Variants in HMCN1 observed in about 807,000 individuals in gnomAD.
HMCN1 encodes the protein hemicentin 1, also known as hemicentin-1.
HMCN1 carries 321 observed loss-of-function variants against 625.9 expected under a neutral mutation model. The observed-to-expected ratio is 0.51, with a 90% CI of 0.47 to 0.56. The LOEUF (loss-of-function observed/expected upper bound fraction) is 0.56, where lower values mean the gene tolerates loss of function less well. Among genes scored for constraint, HMCN1 ranks in the 20% least tolerant of loss-of-function variants. The pLI, the probability that HMCN1 is intolerant of heterozygous loss-of-function variation, is 0.00. For synonymous variants in HMCN1, 2,425 were observed against 2,417.6 expected (o/e 1.00, Z -0.09); for missense variants, 6,588 against 6,887.3 (o/e 0.96, Z 1.54).
At chr1:186,146,920 C>T (rs534383076) in intron 93 of HMCN1, among the ~76,000 whole-genome samples, 1 of 152,332 alleles carries the variant, frequency 6.6e-6, no homozygotes, top group African/African-American at 2.4e-5. Context: ...CTTTTGAGCA[C>T]TGGGACTCAA....
intron 1 of HMCN1, among the ~76,000 whole-genome samples, chr1:185,797,898 G>A (rs1288900552): frequency 8.2e-6 from 1 of 122,532 alleles, no homozygotes; most frequent in Admixed American, 7.6e-5. Flanking sequence ...CCCGGGAGGC[G>A]GAGCTTGCAG....
intron 65 of HMCN1, 102 bp from the exon 66 acceptor site, chr1:186,093,383 TG>T: frequency 6.3e-7 from 1 of 1,581,624 alleles, no homozygotes; most frequent in Non-Finnish European, 8.7e-7. Context: ...TATTTCCTTT[TG>T]GGCTACAATT....
chr1:185,797,738 G>A (rs930527134), intron 1 of HMCN1, among the ~76,000 whole-genome samples: 1 of 128,278 alleles, frequency 7.8e-6, no homozygotes, highest in Non-Finnish European at 1.5e-5. Context: ...AGGCCGAGGC[G>A]GGCGGATCAC....
chr1:186,186,100 T>G (rs901031272), intron 105 of HMCN1, among the ~76,000 whole-genome samples: 2 of 152,198 alleles, frequency 1.3e-5, no homozygotes, highest in East Asian at 3.8e-4. Flanking sequence ...AGCTTCAGAT[T>G]TAACTCTCTC....
At chr1:186,104,716 C>T (rs184504142) in intron 69 of HMCN1, among the ~76,000 whole-genome samples, 3 of 152,170 alleles carry the variant, frequency 2.0e-5, no homozygotes, top group African/African-American at 7.2e-5. Flanking sequence ...AATCCTTAGT[C>T]TGATTCAGAA....
At position 186,127,316 on chromosome 1, in the gene HMCN1, C is replaced by CTGA. The variant is rs201991843; in HGVS notation, c.12691-760_12691-758dup. 9.2e-3 allele frequency among the ~76,000 whole-genome samples: 1,403 copies of CTGA among 152,160 alleles called. 13 individuals carry two copies. The highest frequency in any genetic ancestry group is 0.028 in the South Asian group (135 of 4,802). ...AGTATCAGTATTTGGGTTGGAGATA[C>CTGA]TGATAGGCATCAGCATATAGTTGAT... On this transcript the variant is annotated intron_variant, in intron 82 of 106. Coordinates refer to ENST00000271588, the MANE Select transcript of HMCN1 (RefSeq NM_031935.3).
chr1:186,166,171 T>A lies in HMCN1; in HGVS notation c.15320-13T>A. ...TTACATACTGATTTGGGCCTTTTTG[T>A]TTCTTCTTTAAGATGAGGATGAATG... is the stretch of plus-strand genomic sequence containing the variant. On this transcript the variant is annotated splice_polypyrimidine_tract_variant and intron_variant, in intron 98 of 106. Transcript: ENST00000271588. 1 of 1,613,984 alleles carries A rather than the reference T, an allele frequency of 6.2e-7. No homozygotes were observed. The highest frequency in any genetic ancestry group is 8.5e-7 in the Non-Finnish European group (1 of 1,179,988).
intron 80 of HMCN1, among the ~76,000 whole-genome samples, chr1:186,121,949 G>T (rs550500833): frequency 1.3e-5 from 2 of 152,146 alleles, no homozygotes; most frequent in African/African-American, 4.8e-5. Flanking sequence ...AGAGTGAACG[G>T]CTTTGTTAAA....
chr1:186,027,993 A>G (rs761897745), intron 36 of HMCN1, among the ~76,000 whole-genome samples: 1 of 152,150 alleles, frequency 6.6e-6, no homozygotes, highest in Non-Finnish European at 1.5e-5. Flanking sequence ...TTCATGGGTA[A>G]CTTCGGTTCA....
At chr1:186,171,695 A>G (rs566093444) in intron 101 of HMCN1, among the ~76,000 whole-genome samples, 1 of 152,262 alleles carries the variant, frequency 6.6e-6, no homozygotes, top group South Asian at 2.1e-4. Flanking sequence ...ATCTATACAT[A>G]TAAATATATG....
chr1:185,775,772 G>C (rs910895343), intron 1 of HMCN1, among the ~76,000 whole-genome samples: 2 of 152,228 alleles, frequency 1.3e-5, no homozygotes, highest in Admixed American at 6.5e-5. Context: ...TTTTAATCAA[G>C]AGGTTAGTGT....
At chr1:186,158,380 T>C (rs1651179112) in intron 97 of HMCN1, among the ~76,000 whole-genome samples, 1 of 152,150 alleles carries the variant, frequency 6.6e-6, no homozygotes, top group Non-Finnish European at 1.5e-5. Flanking sequence ...TCTCCCATGC[T>C]GTAGGTTGCC....
In HMCN1 at chr1:185,781,525, C is replaced by T. The variant is rs189156550; in HGVS notation, c.268+46478C>T. ...CCTCTACACACTGCTTTAAATGTGT[C>T]CTGGCAATTCTGGTATGTTGTGTCT... On this transcript the variant is annotated intron_variant, in intron 1 of 106. Transcript: ENST00000271588. Among the ~76,000 whole-genome samples the T allele has an allele frequency of 3.3e-3, 497 of 152,272 alleles. 2 individuals carry two copies. The highest frequency in any genetic ancestry group is 0.011 in the African/African-American group (475 of 41,542).
At chr1:186,058,817 G>C (rs1047195610) in intron 46 of HMCN1, among the ~76,000 whole-genome samples, 1 of 151,836 alleles carries the variant, frequency 6.6e-6, no homozygotes, top group Non-Finnish European at 1.5e-5. Context: ...TTTTTTCCTA[G>C]TGCTGGAATT....
At chr1:186,028,469 G>T (rs1339818266) in intron 36 of HMCN1, among the ~76,000 whole-genome samples, 1 of 152,130 alleles carries the variant, frequency 6.6e-6, no homozygotes, top group Non-Finnish European at 1.5e-5. Flanking sequence ...AAGAAATCAG[G>T]CTTTTAAAAC....
intron 1 of HMCN1, among the ~76,000 whole-genome samples, chr1:185,778,363 A>G (rs1389340721): frequency 6.7e-6 from 1 of 149,420 alleles, no homozygotes; most frequent in Non-Finnish European, 1.5e-5. Context: ...TTTTTTAATT[A>G]TACTTTAAGT....
chr1:186,151,359 T>C lies in HMCN1; in HGVS notation c.14758+10T>C, dbSNP rs774301407. 6.2e-7 allele frequency: 1 copy of C among 1,611,792 alleles called. No homozygotes were observed. Among genetic ancestry groups the C allele is most frequent in the Non-Finnish European group, 8.5e-7 (1 of 1,178,272 alleles). ...GTACCTCGTAGTCTTGGTAAGTCTT[T>C]GCCTCAAGCCTCTTTTTAAAAACTT... On this transcript the variant is annotated intron_variant, in intron 94 of 106. Transcript: ENST00000271588.
At chr1:186,044,874 C>G (rs935909443) in intron 40 of HMCN1, among the ~76,000 whole-genome samples, 1 of 152,074 alleles carries the variant, frequency 6.6e-6, no homozygotes, top group Non-Finnish European at 1.5e-5. Flanking sequence ...GTACCTAAAC[C>G]ATCTAAGATA....
chr1:185,836,398 A>G (rs1661176172), intron 1 of HMCN1, among the ~76,000 whole-genome samples: 1 of 152,166 alleles, frequency 6.6e-6, no homozygotes, highest in Non-Finnish European at 1.5e-5. Context: ...CTTTGCAAAT[A>G]ATTGCAATTA....
Sources: allele counts gnomAD v4.1 joint callset (sites outside exome capture counted in the v4.1 genomes callset), GRCh38; gene constraint gnomAD v4.1.1; transcripts MANE v1.5; gene names NCBI Gene and HGNC (gene_info 2026-07-23, HGNC 2026-07-21).